Variants in FSIP1 observed in about 807,000 individuals in gnomAD.
FSIP1 encodes the protein fibrous sheath interacting protein 1.
A neutral mutation model predicts 60.9 loss-of-function variants in FSIP1; 65 were observed. The ratio of observed to expected loss-of-function variants is 1.07; its 90% confidence interval spans 0.87 to 1.31. The LOEUF (loss-of-function observed/expected upper bound fraction) is 1.31, where lower values mean the gene tolerates loss of function less well. Ranked by LOEUF, FSIP1 falls within the 40% of genes most tolerant of loss-of-function variation. FSIP1 has a pLI of 0.00. For missense variants in FSIP1, 675 were observed against 665.5 expected, an observed-to-expected ratio of 1.01 and a Z score of -0.16; for synonymous variants, 209 against 221.2, an observed-to-expected ratio of 0.94 and a Z score of 0.49.
At chr15:39,655,824 C>A (rs1246511607) in intron 10 of FSIP1, among the ~76,000 whole-genome samples, 1 of 152,190 alleles carries the variant, frequency 6.6e-6, no homozygotes, top group Non-Finnish European at 1.5e-5. Flanking sequence ...GAATCTCAAG[C>A]AGGTTGCTCT....
chr15:39,697,387 G>A (rs1376268793), intron 10 of FSIP1, among the ~76,000 whole-genome samples: 1 of 152,190 alleles, frequency 6.6e-6, no homozygotes, highest in Non-Finnish European at 1.5e-5. Flanking sequence ...ATTAGATACT[G>A]GTTGGCCAAT....
At chr15:39,601,114 G>A in intron 11 of FSIP1, among the ~76,000 whole-genome samples, 188 bp from the exon 12 acceptor site, 2 of 152,194 alleles carry the variant, frequency 1.3e-5, no homozygotes, top group East Asian at 3.8e-4. Flanking sequence ...AGAAAGATCA[G>A]GGCGCCTACT....
At chr15:39,650,417 C>T (rs529025656) in intron 10 of FSIP1, among the ~76,000 whole-genome samples, 159 of 152,334 alleles carry the variant, frequency 1.0e-3, no homozygotes, top group African/African-American at 3.6e-3. Context: ...TCTTTCTATA[C>T]ATCTTTGTCC....
intron 10 of FSIP1, among the ~76,000 whole-genome samples, chr15:39,645,488 C>T (rs1268177551): frequency 6.6e-6 from 1 of 152,158 alleles, no homozygotes; most frequent in African/African-American, 2.4e-5. Context: ...GCTGTGAATC[C>T]AAGCCTCCCT....
chr15:39,727,156 A>G (rs1263334694), intron 8 of FSIP1, among the ~76,000 whole-genome samples: 1 of 152,258 alleles, frequency 6.6e-6, no homozygotes, highest in Non-Finnish European at 1.5e-5. Flanking sequence ...TAGCATCTAT[A>G]AAATCAGTTG....
chr15:39,716,812 C>CTTT (rs72106293), intron 9 of FSIP1, among the ~76,000 whole-genome samples: 61,356 of 108,818 alleles, frequency 0.56, 18,396 homozygotes, highest in Non-Finnish European at 0.69. Flanking sequence ...CAGGCCATGT[C>CTTT]TTTTTTTTTT....
Position 39,770,470 on chromosome 15 carries a change from T to A in FSIP1, c.267A>T (p.Glu89Asp). The A allele has an allele frequency of 6.2e-7, 1 of 1,609,656 alleles. No individual in the cohort carries two copies. ...TCTGATGTTGAACCAAATCCAGATC[T>A]TCATCTGATCCCTCTTCAGCCAATT... ...KIKLAEEGSDEDLDLVQHQII... is the reference protein window; with the variant it reads ...KIKLAEEGSDDDLDLVQHQII... Residue 89 changes from glutamate to aspartate, a missense_variant, in exon 3 of 12, where the codon GAA (glutamate) becomes GAT (aspartate). Glu to Asp is a conservative substitution (Grantham distance 45, BLOSUM62 2). Coordinates refer to ENST00000350221, the MANE Select transcript of FSIP1 (RefSeq NM_152597.5).
chr15:39,629,768 GA>G (rs1891803492), intron 10 of FSIP1, among the ~76,000 whole-genome samples: 1 of 152,194 alleles, frequency 6.6e-6, no homozygotes, highest in African/African-American at 2.4e-5. Flanking sequence ...CTGAAGAGGT[GA>G]TTCTAAGAAT....
At chr15:39,763,750 A>G (rs1374859971) in intron 5 of FSIP1, 71 bp downstream of exon 5, 2 of 814,152 alleles carry the variant, frequency 2.5e-6, no homozygotes, top group Non-Finnish European at 4.2e-6. Context: ...CTGGATTGGG[A>G]ATTTTACTTT....
At chr15:39,645,926 G>A (rs905437927) in intron 10 of FSIP1, among the ~76,000 whole-genome samples, 2 of 152,224 alleles carry the variant, frequency 1.3e-5, no homozygotes, top group East Asian at 1.9e-4. Context: ...CTTTCAGGCC[G>A]TCCCTGGCCT....
chr15:39,667,012 G>C (rs886313154), intron 10 of FSIP1, among the ~76,000 whole-genome samples: 2 of 152,158 alleles, frequency 1.3e-5, no homozygotes, highest in African/African-American at 4.8e-5. Context: ...CTGCTTCTCA[G>C]CTCTTCCTTA....
At chr15:39,634,554 T>A (rs768723231) in intron 10 of FSIP1, among the ~76,000 whole-genome samples, 6 of 152,232 alleles carry the variant, frequency 3.9e-5, no homozygotes, top group Non-Finnish European at 7.3e-5. Flanking sequence ...AACTCAGCCC[T>A]ATTTGTCAAT....
chr15:39,648,839 C>T (rs1291278446), intron 10 of FSIP1, among the ~76,000 whole-genome samples: 1 of 152,154 alleles, frequency 6.6e-6, no homozygotes, highest in Non-Finnish European at 1.5e-5. Flanking sequence ...TCTGAGCATT[C>T]AAGCCACCAA....
At chr15:39,680,696 G>C (rs971779947) in intron 10 of FSIP1, among the ~76,000 whole-genome samples, 3 of 152,138 alleles carry the variant, frequency 2.0e-5, no homozygotes, top group African/African-American at 7.2e-5. Flanking sequence ...AGATAGTAGG[G>C]AAATAAATAT....
At chr15:39,687,424 G>A (rs1894427013) in intron 10 of FSIP1, among the ~76,000 whole-genome samples, 1 of 152,156 alleles carries the variant, frequency 6.6e-6, no homozygotes, top group Non-Finnish European at 1.5e-5. Context: ...AAAGTCTTGG[G>A]ATTACAGGCG....
intron 2 of FSIP1, among the ~76,000 whole-genome samples, chr15:39,774,974 T>C (rs1335246959): frequency 2.0e-5 from 3 of 152,202 alleles, no homozygotes; most frequent in Admixed American, 6.5e-5. Flanking sequence ...CTGTTGATTT[T>C]GAGGTCTTCT....
rs151060618 is a variant in FSIP1 at position 39,777,826 on chromosome 15, T to C, written c.-7-1295A>G. 1.4e-3 allele frequency among the ~76,000 whole-genome samples: 212 copies of C among 152,348 alleles called. 1 individual carries two copies. Among genetic ancestry groups the C allele is most frequent in the Middle Eastern group, 6.8e-3 (2 of 294 alleles). On this transcript the variant is annotated intron_variant, in intron 1 of 11. Coordinates refer to ENST00000350221, the MANE Select transcript of FSIP1 (RefSeq NM_152597.5). ...ACAGAATGAAAAAGGCAATTGCCTCTACCCAACAATGTCCTTTTCTTACCC... is the reference window on the plus strand; with the variant it reads ...ACAGAATGAAAAAGGCAATTGCCTCCACCCAACAATGTCCTTTTCTTACCC...
At chr15:39,625,720 T>C (rs996032425) in intron 10 of FSIP1, among the ~76,000 whole-genome samples, 3 of 152,150 alleles carry the variant, frequency 2.0e-5, no homozygotes, top group African/African-American at 4.8e-5. Context: ...CTGGCACCTC[T>C]GCCCCAAACT....
intron 11 of FSIP1, among the ~76,000 whole-genome samples, chr15:39,601,307 G>A (rs1041181176): frequency 6.6e-6 from 1 of 152,114 alleles, no homozygotes; most frequent in Non-Finnish European, 1.5e-5. Context: ...ATTTCTTGAA[G>A]TGAGAAAAAA....
Sources: gnomAD v4.1 joint callset for allele counts (sites outside exome capture counted in the v4.1 genomes callset) on GRCh38, gnomAD v4.1.1 for gene constraint, MANE v1.5 for transcripts, NCBI Gene and HGNC (gene_info 2026-07-23, HGNC 2026-07-21) for gene names.